PRIM2: variants seen among roughly 807,000 people sequenced by gnomAD.
PRIM2 encodes the protein DNA primase subunit 2, also known as DNA primase large subunit.
A neutral mutation model predicts 67.3 loss-of-function variants in PRIM2; 39 were observed. The ratio of observed to expected loss-of-function variants is 0.58; its 90% CI spans 0.45 to 0.76. The LOEUF is 0.76. Ranked by LOEUF, PRIM2 falls within the 30% of genes least tolerant of loss-of-function variation. The pLI is 0.00. For synonymous variants in PRIM2, 143 were observed against 198.7 expected, an observed-to-expected ratio of 0.72 and a Z score of 2.36; for missense variants, 398 against 598.7, an observed-to-expected ratio of 0.66 and a Z score of 3.50.
At chr6:57,253,492 C>T in the PRIM2 span, among the ~76,000 whole-genome samples, 1 of 151,996 alleles carries the variant, frequency 6.6e-6, no homozygotes, top group Admixed American at 6.6e-5. Flanking sequence ...ATCATTAGTC[C>T]ATGTGGCTAT....
intron 10 of PRIM2, among the ~76,000 whole-genome samples, chr6:57,584,143 C>G (rs1776148768): frequency 6.6e-6 from 1 of 152,108 alleles, no homozygotes; most frequent in Non-Finnish European, 1.5e-5. Context: ...TATTAAATAT[C>G]TGACTGAATA....
chr6:57,415,446 A>G (rs1409025546), intron 7 of PRIM2, among the ~76,000 whole-genome samples: 4 of 152,214 alleles, frequency 2.6e-5, no homozygotes, highest in Non-Finnish European at 4.4e-5. Context: ...AAAACAATGT[A>G]CATACCTTAA....
At chr6:57,306,127 G>A in the PRIM2 span, among the ~76,000 whole-genome samples, 1 of 152,190 alleles carries the variant, frequency 6.6e-6, no homozygotes, top group South Asian at 2.1e-4. Context: ...CTATGTTCAG[G>A]GTGAGATTCA....
At chr6:57,525,857 C>T (rs1774738987) in intron 8 of PRIM2, among the ~76,000 whole-genome samples, 1 of 152,184 alleles carries the variant, frequency 6.6e-6, no homozygotes, top group South Asian at 2.1e-4. Flanking sequence ...TTGGACCCTT[C>T]CTTGGTCACA....
chr6:57,346,313 T>G (rs1175123260), intron 5 of PRIM2, among the ~76,000 whole-genome samples: 1 of 151,884 alleles, frequency 6.6e-6, no homozygotes, highest in Non-Finnish European at 1.5e-5. Flanking sequence ...ACTGAGCTTT[T>G]AAATGTATAC....
In PRIM2 at chr6:57,381,985, T is replaced by C. The variant is rs904678744; in HGVS notation, c.556-46T>C. 9 of 1,555,164 alleles carry C rather than the reference T, an allele frequency of 5.8e-6. No homozygotes were observed. The Admixed American group carries it at 1.7e-4, about 30-fold the overall frequency. ...ATACATATGAAGACTTAGGATTTCTTAATGACAGGTGCTGACTTATTTTGC... is the reference window on the plus strand; with the variant it reads ...ATACATATGAAGACTTAGGATTTCTCAATGACAGGTGCTGACTTATTTTGC... On this transcript the variant is annotated intron_variant, in intron 6 of 13. Coordinates refer to ENST00000615550, the MANE Select transcript of PRIM2 (RefSeq NM_000947.5).
intron 7 of PRIM2, among the ~76,000 whole-genome samples, chr6:57,428,514 T>C (rs1198381521): frequency 1.3e-5 from 2 of 152,294 alleles, no homozygotes; most frequent in East Asian, 3.9e-4. Context: ...TATTTTTCAG[T>C]AGGGCTCCCT....
At chr6:57,424,707 T>A (rs1771564798) in intron 7 of PRIM2, among the ~76,000 whole-genome samples, 1 of 152,182 alleles carries the variant, frequency 6.6e-6, no homozygotes. Flanking sequence ...TAAAAAGACA[T>A]TGAGTTGGAT....
intron 10 of PRIM2, among the ~76,000 whole-genome samples, chr6:57,554,179 C>T (rs1775462118): frequency 1.3e-5 from 2 of 148,628 alleles, no homozygotes; most frequent in African/African-American, 5.0e-5. Context: ...TCATCCCAAA[C>T]AGTAATGATG....
chr6:57,287,174 T>G, the PRIM2 span, among the ~76,000 whole-genome samples: 1 of 152,160 alleles, frequency 6.6e-6, no homozygotes, highest in South Asian at 2.1e-4. Context: ...TGTAAATTAG[T>G]TCAGCCATTG....
At chr6:57,260,245 G>A in the PRIM2 span, among the ~76,000 whole-genome samples, 56,567 of 151,938 alleles carry the variant, frequency 0.37, 11,307 homozygotes, top group East Asian at 0.78. Flanking sequence ...AGCATATAGT[G>A]GAGCAGACAG....
At chr6:57,429,915 A>G (rs1248852525) in intron 7 of PRIM2, among the ~76,000 whole-genome samples, 3 of 152,298 alleles carry the variant, frequency 2.0e-5, no homozygotes, top group South Asian at 2.1e-4. Flanking sequence ...CAATTCCCCA[A>G]TGGCTAGTGC....
chr6:57,271,042 G>A, the PRIM2 span, among the ~76,000 whole-genome samples: 1 of 152,156 alleles, frequency 6.6e-6, no homozygotes, highest in Non-Finnish European at 1.5e-5. Flanking sequence ...GTATTTTATT[G>A]AGGATTTTTG....
At chr6:57,394,250 G>A (rs1172890065) in intron 7 of PRIM2, among the ~76,000 whole-genome samples, 5 of 152,102 alleles carry the variant, frequency 3.3e-5, no homozygotes, top group Admixed American at 1.3e-4. Flanking sequence ...ATTGCTTTTG[G>A]CAGTATGGTC....
At chr6:57,349,503 TA>T (rs1028023508) in intron 5 of PRIM2, among the ~76,000 whole-genome samples, 5 of 151,066 alleles carry the variant, frequency 3.3e-5, no homozygotes, top group African/African-American at 9.7e-5. Flanking sequence ...CTATTGATAT[TA>T]AAAAATTGTG....
intron 10 of PRIM2, among the ~76,000 whole-genome samples, chr6:57,580,305 G>C (rs1776057813): frequency 2.0e-5 from 3 of 152,262 alleles, no homozygotes; most frequent in African/African-American, 7.2e-5. Context: ...GCACATAATA[G>C]TTTTACTAGG....
At chr6:57,443,840 A>G (rs1772278615) in intron 7 of PRIM2, among the ~76,000 whole-genome samples, 2 of 152,074 alleles carry the variant, frequency 1.3e-5, no homozygotes, top group Non-Finnish European at 2.9e-5. Flanking sequence ...GTGATTGCCT[A>G]GATCAATGTC....
At chr6:57,459,982 C>T (rs1019438158) in intron 7 of PRIM2, among the ~76,000 whole-genome samples, 2 of 152,154 alleles carry the variant, frequency 1.3e-5, no homozygotes, top group South Asian at 4.1e-4. Flanking sequence ...CACAGAGCCC[C>T]CTCCTGGTCA....
chr6:57,542,938 G>GTTTTTTTTTT (rs1581980392), intron 10 of PRIM2, among the ~76,000 whole-genome samples: 4 of 56,858 alleles, frequency 7.0e-5, no homozygotes, highest in Admixed American at 1.6e-4. Flanking sequence ...CTGCTTATAG[G>GTTTTTTTTTT]ATTTTTTTTT....
Sources: allele counts gnomAD v4.1 joint callset (sites outside exome capture counted in the v4.1 genomes callset), GRCh38; gene constraint gnomAD v4.1.1; transcripts MANE v1.5; gene names NCBI Gene and HGNC (gene_info 2026-07-23, HGNC 2026-07-21).